IL12RB2: variants seen among roughly 807,000 people sequenced by gnomAD.
IL12RB2 encodes interleukin-12 receptor subunit beta-2.
Under a neutral mutation model 89.4 loss-of-function variants are expected in IL12RB2, and 82 were observed. The ratio of observed to expected loss-of-function variants is 0.92; its 90% CI spans 0.77 to 1.10. The LOEUF is 1.10. Ranked by LOEUF, IL12RB2 falls within the 50% of genes least tolerant of loss-of-function variation. The pLI, the probability that IL12RB2 is intolerant of heterozygous loss-of-function variation, is 0.00. For missense variants in IL12RB2, 963 were observed against 1,031.9 expected (o/e 0.93, Z 0.92); for synonymous variants, 368 against 370.1 (o/e 0.99, Z 0.07).
chr1:67,372,015 T>G (rs1663397149), intron 11 of IL12RB2, among the ~76,000 whole-genome samples: 1 of 152,040 alleles, frequency 6.6e-6, no homozygotes, highest in South Asian at 2.1e-4. Flanking sequence ...AATCAAAAGG[T>G]TTTTTTTCTT....
rs1657614365 is a variant in IL12RB2 at position 67,328,376 on chromosome 1, T to C, written c.656T>C (p.Leu219Ser). The part of the protein sequence containing the change: ...SSSLPSTFTF[L>S]DIVRPLPPWD... ...TCACTTCCATCCACATTCACATTCT[T>C]GGACATAGGTACATTTTATTTCACT... Residue 219 changes from leucine to serine, a missense_variant, in exon 6 of 17, where the codon TTG (leucine) becomes TCG (serine). Leu to Ser is a moderately radical substitution (Grantham distance 145). Transcript: ENST00000674203. 1.4e-5 allele frequency: 22 copies of C among 1,614,074 alleles called. No homozygotes were observed. Among genetic ancestry groups the C allele is most frequent in the Non-Finnish European group, 1.9e-5 (22 of 1,180,044 alleles).
rs1488479966 is a variant in IL12RB2 at position 67,398,126 on chromosome 1, G to T, written c.*2037G>T. On this transcript the variant is annotated 3_prime_UTR_variant, in exon 17 of 17. Coordinates refer to ENST00000674203, the MANE Select transcript of IL12RB2 (RefSeq NM_001374259.2). ...TATTCCACTCTATTTAGCTATTATT[G>T]TGCGGCACCCCCAATGGTTCCTTTC... Among the ~76,000 whole-genome samples the T allele has an allele frequency of 1.3e-5, 2 of 151,634 alleles. No homozygotes were observed. The highest frequency in any genetic ancestry group is 2.9e-5 in the Non-Finnish European group (2 of 67,952).
intron 9 of IL12RB2, among the ~76,000 whole-genome samples, chr1:67,350,546 C>A (rs1660715515): frequency 6.6e-6 from 1 of 152,250 alleles, no homozygotes; most frequent in Admixed American, 6.5e-5. Context: ...AAATCCAGAT[C>A]TTCTGAGTTG....
chr1:67,352,680 T>C (rs1354209271), intron 10 of IL12RB2, among the ~76,000 whole-genome samples: 1 of 152,260 alleles, frequency 6.6e-6, no homozygotes, highest in Non-Finnish European at 1.5e-5. Context: ...TTTATCAATA[T>C]AACTTTTTCA....
intron 15 of IL12RB2, among the ~76,000 whole-genome samples, chr1:67,387,208 G>T (rs932237124): frequency 6.6e-6 from 1 of 151,646 alleles, no homozygotes; most frequent in African/African-American, 2.4e-5. Flanking sequence ...GGGATTACAG[G>T]TATGAGCCAC....
At chr1:67,348,408 C>T (rs1357289195) in intron 9 of IL12RB2, among the ~76,000 whole-genome samples, 1 of 152,168 alleles carries the variant, frequency 6.6e-6, no homozygotes, top group Non-Finnish European at 1.5e-5. Context: ...ACAGAGGGAA[C>T]ATTGGCCTAG....
intron 10 of IL12RB2, among the ~76,000 whole-genome samples, chr1:67,361,095 G>A (rs1661991490): frequency 6.6e-6 from 1 of 152,094 alleles, no homozygotes; most frequent in Admixed American, 6.5e-5. Flanking sequence ...CCCAGTACAG[G>A]AGCACAGCCT....
rs1363972839 is a variant in IL12RB2, at chr1:67,321,964, A to G, written c.364+75A>G. ...TTGATCTTTTGGTATTTGGTGTTAA[A>G]CAGAAACCCAAATACAGGTTAATGT... On this transcript the variant is annotated intron_variant, in intron 4 of 16. Transcript: ENST00000674203. The G allele has an allele frequency of 2.4e-6, 3 of 1,251,576 alleles. No individual in the cohort carries two copies. The Admixed American group carries it at 5.0e-5, about 21-fold the overall frequency. 77.5% of individuals were successfully genotyped at this position (1,251,576 alleles called of 1,614,324 possible).
intron 9 of IL12RB2, among the ~76,000 whole-genome samples, chr1:67,341,423 G>T (rs1423437990): frequency 6.8e-6 from 1 of 147,988 alleles, no homozygotes; most frequent in Admixed American, 6.8e-5. Context: ...AGAAGGAAGG[G>T]AAGGAAGGAA....
At chr1:67,372,014 GT>G (rs1214658651) in intron 11 of IL12RB2, among the ~76,000 whole-genome samples, 2 of 151,724 alleles carry the variant, frequency 1.3e-5, no homozygotes, top group African/African-American at 4.8e-5. Flanking sequence ...GAATCAAAAG[GT>G]TTTTTTTCTT....
At chr1:67,385,918 AC>A (rs1369484393) in intron 14 of IL12RB2, among the ~76,000 whole-genome samples, 1 of 152,194 alleles carries the variant, frequency 6.6e-6, no homozygotes, top group Non-Finnish European at 1.5e-5. Context: ...AGATCAAGAA[AC>A]TGAAGTCCAG....
intron 1 of IL12RB2, among the ~76,000 whole-genome samples, chr1:67,308,514 G>A (rs896355513): frequency 2.0e-5 from 3 of 152,108 alleles, no homozygotes; most frequent in Admixed American, 2.0e-4. Context: ...TCCCTGCCTG[G>A]CCAGTTACTA....
Position 67,343,393 on chromosome 1 carries a change from T to C in IL12RB2, c.1038+4690T>C, listed in dbSNP as rs1293814138. ...TACCACACCTGGCCCATAGCTATTT[T>C]TAAGAGGAAAAATACTTTCAATGTT... is the stretch of plus-strand genomic sequence containing the variant. On this transcript the variant is annotated intron_variant, in intron 9 of 16. Transcript: ENST00000674203. 3.3e-5 allele frequency among the ~76,000 whole-genome samples: 5 copies of C among 152,328 alleles called. No homozygotes were observed. The East Asian group carries it at 9.6e-4, about 29-fold the overall frequency.
intron 9 of IL12RB2, among the ~76,000 whole-genome samples, chr1:67,348,239 C>T (rs768283093): frequency 1.3e-5 from 2 of 152,124 alleles, no homozygotes; most frequent in African/African-American, 2.4e-5. Flanking sequence ...GCTGCCTGTT[C>T]GTGCTGCATG....
chr1:67,393,596 T>A (rs944688733), intron 16 of IL12RB2, among the ~76,000 whole-genome samples: 17 of 152,170 alleles, frequency 1.1e-4, no homozygotes, highest in African/African-American at 3.9e-4. Flanking sequence ...AAGAGCAGTC[T>A]CCCCGAAGTG....
Position 67,330,744 on chromosome 1 carries a change from C to A in IL12RB2, c.892C>A (p.Leu298Ile). ...TEYEFQISSK[L>I]HLYKGSWSDW... ...ATATGAATTTCAGATTTCCTCTAAG[C>A]TACATCTTTATAAGGGAAGTTGGAG... The change falls in exon 8 of 17, where the codon CTA becomes ATA. Residue 298 changes from leucine to isoleucine, a missense_variant. Transcript: ENST00000674203. 1 of 1,545,276 alleles carries A rather than the reference C, an allele frequency of 6.5e-7. No individual in the cohort carries two copies. The highest frequency in any genetic ancestry group is 8.9e-7 in the Non-Finnish European group (1 of 1,117,540).
Position 67,380,141 on chromosome 1 carries a change from G to C in IL12RB2, c.1855+18G>C, listed in dbSNP as rs760045427. On this transcript the variant is annotated intron_variant, in intron 14 of 16. Coordinates refer to ENST00000674203, the MANE Select transcript of IL12RB2 (RefSeq NM_001374259.2). ...TCTGCAAGGTGAGAGGCAGTGTTAA[G>C]GATGATGAGTCCACCCTGGATTCTT... 1.6e-5 allele frequency: 26 copies of C among 1,613,656 alleles called. No individual in the cohort carries two copies. Among genetic ancestry groups the C allele is most frequent in the Non-Finnish European group, 1.9e-5 (22 of 1,179,668 alleles).
chr1:67,378,664 A>G (rs1407950752), intron 13 of IL12RB2, among the ~76,000 whole-genome samples: 3 of 151,254 alleles, frequency 2.0e-5, no homozygotes, highest in Non-Finnish European at 2.9e-5. Context: ...AGCCTGACCA[A>G]CATGGTGAAA....
intron 9 of IL12RB2, among the ~76,000 whole-genome samples, chr1:67,350,583 T>C (rs952952982): frequency 2.0e-4 from 30 of 152,260 alleles, no homozygotes; most frequent in African/African-American, 7.2e-4. Flanking sequence ...CTATTGGATG[T>C]GACCAAGTTG....
Sources: allele counts gnomAD v4.1 joint callset (sites outside exome capture counted in the v4.1 genomes callset), GRCh38; gene constraint gnomAD v4.1.1; transcripts MANE v1.5; gene names NCBI Gene and HGNC (gene_info 2026-07-23, HGNC 2026-07-21).